The following TLL1 variants were observed in gnomAD, a reference collection of about 807,000 sequenced individuals.
The protein encoded by TLL1 is tolloid-like protein 1.
In TLL1, 49 loss-of-function variants were observed where a neutral mutation model predicts 128.2. That is an observed-to-expected ratio of 0.38 (90% CI 0.30 to 0.48). The LOEUF (loss-of-function observed/expected upper bound fraction) is 0.48, where lower values mean the gene tolerates loss of function less well. Among genes scored for constraint, TLL1 ranks in the 20% least tolerant of loss-of-function variants. The probability of loss-of-function intolerance (pLI) is 0.96; values close to 1 mark genes in which losing one functional copy is unlikely to be tolerated. For missense variants in TLL1, 1,123 were observed against 1,242.0 expected (o/e 0.90, Z 1.44); for synonymous variants, 454 against 418.8 (o/e 1.08, Z -1.03).
At chr4:166,043,520 C>G in intron 12 of TLL1, 101 bp downstream of exon 12, 1 of 1,541,566 alleles carries the variant, frequency 6.5e-7, no homozygotes, top group South Asian at 1.1e-5. Flanking sequence ...GAGAGTCAGC[C>G]TTTTAATCAG....
Position 166,003,290 on chromosome 4 carries a change from G to T in TLL1, c.633-101G>T, listed in dbSNP as rs1000999302. 8 of 1,186,186 alleles carry T rather than the reference G, an allele frequency of 6.7e-6. No individual in the cohort carries two copies. In the Admixed American group the frequency reaches 8.8e-5, roughly 13 times the overall value. The allele number at this position is 1,186,186 out of a possible 1,614,324, so 73.5% of individuals were successfully genotyped here. ...GGTTGTTCTGTTCCTGAATGTGTCGGACTTTATAGCTCATCACTATTCTTT... is the reference window on the plus strand; with the variant it reads ...GGTTGTTCTGTTCCTGAATGTGTCGTACTTTATAGCTCATCACTATTCTTT... On this transcript the variant is annotated intron_variant, in intron 5 of 20. Coordinates refer to ENST00000061240, the MANE Select transcript of TLL1 (RefSeq NM_012464.5).
At chr4:165,983,529 G>A (rs1229641907) in intron 1 of TLL1, among the ~76,000 whole-genome samples, 1 of 151,804 alleles carries the variant, frequency 6.6e-6, no homozygotes, top group Non-Finnish European at 1.5e-5. Context: ...TCTGGCGGAA[G>A]AGTCCTTGTA....
At chr4:166,080,902 T>A (rs1028631098) in intron 18 of TLL1, among the ~76,000 whole-genome samples, 1 of 152,118 alleles carries the variant, frequency 6.6e-6, no homozygotes, top group Non-Finnish European at 1.5e-5. Context: ...CCACCCTTTT[T>A]TGTCTTTATC....
intron 1 of TLL1, among the ~76,000 whole-genome samples, chr4:165,929,247 A>G (rs1733406924): frequency 6.6e-6 from 1 of 152,152 alleles, no homozygotes. Flanking sequence ...CACAAAAGGA[A>G]ACTGTGTATT....
intron 9 of TLL1, among the ~76,000 whole-genome samples, chr4:166,027,376 A>G (rs1304488468): frequency 6.6e-6 from 1 of 152,120 alleles, no homozygotes; most frequent in Non-Finnish European, 1.5e-5. Context: ...AATTTTTTTA[A>G]AAGTTTGATG....
intron 8 of TLL1, among the ~76,000 whole-genome samples, chr4:166,019,267 C>T (rs947650525): frequency 1.3e-5 from 2 of 151,904 alleles, no homozygotes; most frequent in African/African-American, 4.8e-5. Flanking sequence ...CACACATGAA[C>T]GTAAACATGG....
intron 9 of TLL1, among the ~76,000 whole-genome samples, chr4:166,037,980 T>C (rs1320261784): frequency 2.6e-5 from 4 of 152,200 alleles, no homozygotes; most frequent in Non-Finnish European, 5.9e-5. Flanking sequence ...CACTGATCAC[T>C]GTGGTACCTA....
intron 12 of TLL1, among the ~76,000 whole-genome samples, chr4:166,054,611 T>C (rs565673702): frequency 7.6e-6 from 1 of 131,688 alleles, no homozygotes; most frequent in African/African-American, 2.9e-5. Flanking sequence ...TTCCCCTTCC[T>C]GAGTCCATGT....
intron 1 of TLL1, among the ~76,000 whole-genome samples, chr4:165,980,506 C>A (rs1257976757): frequency 1.3e-5 from 2 of 152,234 alleles, no homozygotes; most frequent in Non-Finnish European, 2.9e-5. Context: ...TTCAAACGTG[C>A]AGCCAATTGT....
chr4:165,947,403 C>T (rs770743367), intron 1 of TLL1, among the ~76,000 whole-genome samples: 35 of 152,070 alleles, frequency 2.3e-4, no homozygotes, highest in Admixed American at 1.5e-3. Flanking sequence ...ATATTCAGTC[C>T]GTAACACCTG....
chr4:165,956,467 G>A (rs1037763668), intron 1 of TLL1, among the ~76,000 whole-genome samples: 2 of 151,978 alleles, frequency 1.3e-5, no homozygotes, highest in Non-Finnish European at 2.9e-5. Context: ...TTCCTTGCTA[G>A]GAAAAGAATT....
At chr4:166,061,789 G>T (rs1740327218) in intron 15 of TLL1, among the ~76,000 whole-genome samples, 1 of 152,176 alleles carries the variant, frequency 6.6e-6, no homozygotes, top group East Asian at 1.9e-4. Flanking sequence ...TGAAGTCCTT[G>T]TTCATGCCTA....
At position 166,006,176 on chromosome 4, in the gene TLL1, A is replaced by G. The variant is rs540726627; in HGVS notation, c.812-1767A>G. 7.2e-5 allele frequency among the ~76,000 whole-genome samples: 11 copies of G among 151,970 alleles called. No individual in the cohort carries two copies. The South Asian group carries it at 2.3e-3, about 31-fold the overall frequency. ...AATCAGTGATTATGATAGGAACCAA[A>G]TTGGTATAAGGATTGGGTTACTCTA... is the stretch of plus-strand genomic sequence containing the variant. On this transcript the variant is annotated intron_variant, in intron 6 of 20. Coordinates refer to ENST00000061240, the MANE Select transcript of TLL1 (RefSeq NM_012464.5).
At chr4:166,006,723 AGGTCT>A (rs1454695707) in intron 6 of TLL1, among the ~76,000 whole-genome samples, 1 of 151,720 alleles carries the variant, frequency 6.6e-6, no homozygotes, top group Non-Finnish European at 1.5e-5. Context: ...TTTCATTATA[AGGTCT>A]GGTTAGTTAA....
Position 166,098,779 on chromosome 4 carries a change from TCTTA to T in TLL1, c.2657-494_2657-491del, listed in dbSNP as rs377607628. On this transcript the variant is annotated intron_variant, in intron 19 of 20. Transcript: ENST00000061240. ...ATCTATTGTTGAATTTTAAGTTACTTCTTACTTCTTTGCATTTGGGGTTCTTAAA... is the reference window on the plus strand; with the variant it reads ...ATCTATTGTTGAATTTTAAGTTACTTCTTCTTTGCATTTGGGGTTCTTAAA... Among the ~76,000 whole-genome samples the T allele has an allele frequency of 2.7e-3, 415 of 152,232 alleles. 2 individuals are homozygous for T. Among genetic ancestry groups the T allele is most frequent in the African/African-American group, 9.1e-3 (380 of 41,554 alleles).
At chr4:166,085,715 T>C (rs1406044067) in intron 18 of TLL1, among the ~76,000 whole-genome samples, 1 of 152,106 alleles carries the variant, frequency 6.6e-6, no homozygotes, top group Non-Finnish European at 1.5e-5. Context: ...CTATGTTCAT[T>C]AGTGATACTG....
chr4:165,999,525 C>T (rs1287014081), intron 5 of TLL1, among the ~76,000 whole-genome samples: 1 of 152,116 alleles, frequency 6.6e-6, no homozygotes, highest in African/African-American at 2.4e-5. Flanking sequence ...CCCCCTGATC[C>T]AATCACTTCC....
At chr4:165,877,202 G>C (rs922146) in intron 1 of TLL1, among the ~76,000 whole-genome samples, 2 of 152,080 alleles carry the variant, frequency 1.3e-5, no homozygotes, top group Admixed American at 1.3e-4. Context: ...TATAGGGTAG[G>C]AAGGAATCCT....
At chr4:165,991,691 A>AT (rs1560795545) in intron 2 of TLL1, among the ~76,000 whole-genome samples, 1 of 151,932 alleles carries the variant, frequency 6.6e-6, no homozygotes, top group Non-Finnish European at 1.5e-5. Context: ...AGTCTAGGTA[A>AT]TTAGGTGCAT....
Sources: allele counts gnomAD v4.1 joint callset (sites outside exome capture counted in the v4.1 genomes callset), GRCh38; gene constraint gnomAD v4.1.1; transcripts MANE v1.5; gene names NCBI Gene and HGNC (gene_info 2026-07-23, HGNC 2026-07-21).